The following DPP10 variants were observed in gnomAD, a reference collection of about 807,000 sequenced individuals.
The protein encoded by DPP10 is dipeptidyl peptidase like 10.
In DPP10, 33 loss-of-function variants were observed where a neutral mutation model predicts 120.9. That is an observed-to-expected ratio of 0.27 (90% CI 0.21 to 0.37). DPP10 has a LOEUF of 0.37. Ranked by LOEUF, DPP10 falls within the 10% of genes least tolerant of loss-of-function variation. DPP10 has a pLI of 1.00. For synonymous variants in DPP10, 337 were observed against 326.1 expected, an observed-to-expected ratio of 1.03 and a Z score of -0.36; for missense variants, 816 against 942.8, an observed-to-expected ratio of 0.87 and a Z score of 1.76.
Position 115,715,339 on chromosome 2 carries a change from C to CAAA in DPP10, c.577-12455_577-12453dup, listed in dbSNP as rs546857779. On this transcript the variant is annotated intron_variant, in intron 7 of 25. Transcript: ENST00000410059. Reference sequence around the variant, plus strand: ...GGGCAACAAGAGCAAAACTCCGTCTCAAAAAAAAAAAAAAAAAAAAAAAAG... The same window carrying CAAA: ...GGGCAACAAGAGCAAAACTCCGTCTCAAAAAAAAAAAAAAAAAAAAAAAAAAAG... 8.0e-3 allele frequency among the ~76,000 whole-genome samples: 528 copies of CAAA among 66,210 alleles called. 4 individuals are homozygous for CAAA. The highest frequency in any genetic ancestry group is 0.018 in the African/African-American group (252 of 13,974). The allele number at this position is 66,210 out of a possible 152,430, so 43.4% of individuals were successfully genotyped here. A position where few individuals can be genotyped will look rare whatever the true frequency, so the allele number is the denominator to read the frequency against.
At chr2:115,252,002 A>G (rs1042897571) in intron 1 of DPP10, among the ~76,000 whole-genome samples, 3 of 152,172 alleles carry the variant, frequency 2.0e-5, no homozygotes, top group African/African-American at 7.2e-5. Flanking sequence ...ATGTCTAAAA[A>G]AGTTTCATGC....
chr2:115,113,577 A>T (rs1025661630), intron 1 of DPP10, among the ~76,000 whole-genome samples: 6 of 152,166 alleles, frequency 3.9e-5, no homozygotes, highest in African/African-American at 1.4e-4. Context: ...TAAATCATAC[A>T]TGTCCATTTT....
rs185405901 is a variant in DPP10 at position 114,638,634 on chromosome 2, G to A, written c.60+195796G>A. Among the ~76,000 whole-genome samples the A allele has an allele frequency of 1.3e-5, 2 of 151,774 alleles. 1 individual carries two copies. The highest frequency in any genetic ancestry group is 4.1e-4 in the South Asian group (2 of 4,822). ...AAAAAGCCAAATAATAACAGATGCT[G>A]GTAAGGCTGTGGGGAAAAGGGAATG... is the stretch of plus-strand genomic sequence containing the variant. On this transcript the variant is annotated intron_variant, in intron 1 of 25. Coordinates refer to ENST00000410059, the MANE Select transcript of DPP10 (RefSeq NM_020868.6).
Position 115,842,572 on chromosome 2 carries a change from G to T in DPP10, c.*227G>T. Reference sequence around the variant, plus strand: ...TTTGTATGAGAGAGGTCAAAGGGTTGGTTTCCTGGGAGAAATTAGTTTTGC... The same window carrying T: ...TTTGTATGAGAGAGGTCAAAGGGTTTGTTTCCTGGGAGAAATTAGTTTTGC... On this transcript the variant is annotated 3_prime_UTR_variant, in exon 26 of 26. Coordinates refer to ENST00000410059, the MANE Select transcript of DPP10 (RefSeq NM_020868.6). 2 of 378,728 alleles carry T rather than the reference G, an allele frequency of 5.3e-6. No individual in the cohort carries two copies. Among genetic ancestry groups the T allele is most frequent in the Admixed American group, 4.5e-5 (1 of 22,272 alleles). The allele number at this position is 378,728 out of a possible 1,614,324, so 23.5% of individuals were successfully genotyped here.
In DPP10 at chr2:115,306,215, G is replaced by C. The variant is rs558360060; in HGVS notation, c.61-3024G>C. On this transcript the variant is annotated intron_variant, in intron 1 of 25. Transcript: ENST00000410059. ...TAGGCACTTTTCTTTCCAGAGAAAGGAAAGTCATATCTGGCTTGCATAACT... is the reference window on the plus strand; with the variant it reads ...TAGGCACTTTTCTTTCCAGAGAAAGCAAAGTCATATCTGGCTTGCATAACT... Among the ~76,000 whole-genome samples the C allele has an allele frequency of 4.6e-5, 7 of 152,118 alleles. No homozygotes were observed. In the East Asian group the frequency reaches 1.4e-3, roughly 30 times the overall value.
At chr2:115,003,410 G>A (rs777078483) in intron 1 of DPP10, among the ~76,000 whole-genome samples, 8 of 151,718 alleles carry the variant, frequency 5.3e-5, no homozygotes, top group Admixed American at 1.3e-4. Flanking sequence ...TACCTTATTG[G>A]GTACTATGCT....
At chr2:114,589,699 C>A (rs1482729229) in intron 1 of DPP10, among the ~76,000 whole-genome samples, 1 of 152,062 alleles carries the variant, frequency 6.6e-6, no homozygotes, top group Non-Finnish European at 1.5e-5. Context: ...ATTTTTCATT[C>A]AAAAATTAAT....
chr2:115,358,037 AG>A (rs1387630065), intron 3 of DPP10, among the ~76,000 whole-genome samples: 1 of 151,974 alleles, frequency 6.6e-6, no homozygotes, highest in Non-Finnish European at 1.5e-5. Flanking sequence ...CTGCGATGGG[AG>A]GGGCTGCTGT....
chr2:114,764,668 A>G (rs949239238), intron 1 of DPP10, among the ~76,000 whole-genome samples: 3 of 152,060 alleles, frequency 2.0e-5, no homozygotes, highest in African/African-American at 7.2e-5. Flanking sequence ...AGATAAATTT[A>G]TAATATTTAT....
chr2:115,114,848 T>A (rs991115013), intron 1 of DPP10, among the ~76,000 whole-genome samples: 1 of 152,048 alleles, frequency 6.6e-6, no homozygotes, highest in Non-Finnish European at 1.5e-5. Context: ...GATTGAGAAG[T>A]ATAGCATTAA....
Position 115,660,446 on chromosome 2 carries a change from G to A in DPP10, c.442-29241G>A, listed in dbSNP as rs534226792. Among the ~76,000 whole-genome samples the A allele has an allele frequency of 2.6e-5, 4 of 152,200 alleles. No individual in the cohort carries two copies. In the South Asian group the frequency reaches 8.3e-4, roughly 32 times the overall value. On this transcript the variant is annotated intron_variant, in intron 5 of 25. Coordinates refer to ENST00000410059, the MANE Select transcript of DPP10 (RefSeq NM_020868.6). The stretch of plus-strand genomic sequence containing the variant: ...TTGTTTTGGCGTCCAAAACTTAATT[G>A]TATAAATATCTCCAGGGGATGGAGA...
intron 5 of DPP10, among the ~76,000 whole-genome samples, chr2:115,656,133 AACACACACACACACAC>A (rs146572509): frequency 4.2e-5 from 6 of 143,322 alleles, no homozygotes; most frequent in East Asian, 2.0e-4. Context: ...GTTCTTACCA[AACACACACACACACAC>A]ACACACACAC....
At chr2:114,877,446 G>C (rs1691248049) in intron 1 of DPP10, among the ~76,000 whole-genome samples, 1 of 152,000 alleles carries the variant, frequency 6.6e-6, no homozygotes, top group South Asian at 2.1e-4. Flanking sequence ...AGAAAACATA[G>C]ATACTTGAGG....
intron 3 of DPP10, among the ~76,000 whole-genome samples, chr2:115,462,659 T>C (rs950502735): frequency 1.3e-5 from 2 of 152,216 alleles, no homozygotes; most frequent in Non-Finnish European, 2.9e-5. Flanking sequence ...ATAAAAGTAT[T>C]ATAAAGAATA....
At chr2:115,598,913 T>C (rs529338461) in intron 5 of DPP10, among the ~76,000 whole-genome samples, 26 of 151,736 alleles carry the variant, frequency 1.7e-4, no homozygotes, top group African/African-American at 6.0e-4. Flanking sequence ...TCGATATTAA[T>C]TTTTGAAACA....
At chr2:114,462,027 G>A (rs1678959582) in intron 1 of DPP10, 33 of 985,302 alleles carry the variant, frequency 3.3e-5, no homozygotes, top group Non-Finnish European at 3.6e-5. Flanking sequence ...CAAATTCATC[G>A]CAGTTGAGAG....
At chr2:114,882,453 C>G (rs1220587435) in intron 1 of DPP10, among the ~76,000 whole-genome samples, 1 of 150,360 alleles carries the variant, frequency 6.7e-6, no homozygotes, top group African/African-American at 2.4e-5. Context: ...GGGAGCTAAG[C>G]TATGGGGATG....
chr2:115,327,901 T>C (rs889077309), intron 2 of DPP10, among the ~76,000 whole-genome samples: 3 of 152,068 alleles, frequency 2.0e-5, no homozygotes, highest in Admixed American at 2.0e-4. Flanking sequence ...AGTGTCGACT[T>C]ATGAAAGGGT....
At chr2:115,768,153 A>G (rs958886959) in intron 12 of DPP10, 144 bp from the exon 13 acceptor site, 3 of 649,030 alleles carry the variant, frequency 4.6e-6, no homozygotes, top group African/African-American at 3.7e-5. Flanking sequence ...AATAGCATAC[A>G]TTCATTTTTT....
Sources: allele counts gnomAD v4.1 joint callset (sites outside exome capture counted in the v4.1 genomes callset), GRCh38; gene constraint gnomAD v4.1.1; transcripts MANE v1.5; gene names NCBI Gene and HGNC (gene_info 2026-07-23, HGNC 2026-07-21).